Variants in AGXT2 observed in about 807,000 individuals in gnomAD.
AGXT2 encodes the protein alanine--glyoxylate aminotransferase 2, mitochondrial.
Under a neutral mutation model 62.5 loss-of-function variants are expected in AGXT2, and 61 were observed. The ratio of observed to expected loss-of-function variants is 0.98; its 90% CI spans 0.79 to 1.21. The LOEUF is 1.21. Ranked by LOEUF, AGXT2 falls within the 50% of genes most tolerant of loss-of-function variation. The pLI is 0.00. For synonymous variants in AGXT2, 243 were observed against 218.7 expected (o/e 1.11, Z -0.98); for missense variants, 666 against 641.5 (o/e 1.04, Z -0.41).
At chr5:35,015,213 G>A (rs914667099) in intron 9 of AGXT2, among the ~76,000 whole-genome samples, 1 of 152,146 alleles carries the variant, frequency 6.6e-6, no homozygotes, top group Non-Finnish European at 1.5e-5. Flanking sequence ...CTTTCATAGA[G>A]GACTGTTATC....
At chr5:35,028,125 C>A (rs950039190) in intron 7 of AGXT2, among the ~76,000 whole-genome samples, 8 of 151,990 alleles carry the variant, frequency 5.3e-5, no homozygotes, top group Non-Finnish European at 8.8e-5. Context: ...TCAAGGTTAC[C>A]AGGTTCAAGA....
chr5:35,033,342 C>A (rs916052809), intron 6 of AGXT2, 118 bp downstream of exon 6: 6 of 810,974 alleles, frequency 7.4e-6, no homozygotes, highest in Middle Eastern at 2.2e-4. Flanking sequence ...TCAAATTGAG[C>A]CCCTGATTAA....
chr5:35,003,748 C>T lies in AGXT2; in HGVS notation c.1437+15G>A. On this transcript the variant is annotated intron_variant, in intron 13 of 13. Transcript: ENST00000231420. ...CCTACCTAGAGCGATAGGTAAAAAC[C>T]AGTCTTTCTCTTACCTGAGAAAAAA... 1.2e-6 allele frequency: 2 copies of T among 1,608,792 alleles called. No individual in the cohort carries two copies. Among genetic ancestry groups the T allele is most frequent in the South Asian group, 1.1e-5 (1 of 90,946 alleles).
At chr5:35,000,008 A>G (rs1243677106) in intron 13 of AGXT2, among the ~76,000 whole-genome samples, 2 of 152,188 alleles carry the variant, frequency 1.3e-5, no homozygotes, top group Non-Finnish European at 2.9e-5. Context: ...CTTGTCCCCT[A>G]TGGCTACCTC....
At chr5:35,029,418 C>T (rs1767479692) in intron 7 of AGXT2, among the ~76,000 whole-genome samples, 1 of 152,224 alleles carries the variant, frequency 6.6e-6, no homozygotes, top group Non-Finnish European at 1.5e-5. Flanking sequence ...ACTTTTTTCC[C>T]TCTCTGCCCA....
chr5:35,000,860 A>G (rs1001645287), intron 13 of AGXT2, among the ~76,000 whole-genome samples: 34 of 152,224 alleles, frequency 2.2e-4, no homozygotes, highest in African/African-American at 8.2e-4. Flanking sequence ...ATGGTCCCTG[A>G]CAGAATATTT....
intron 13 of AGXT2, among the ~76,000 whole-genome samples, chr5:35,003,320 C>T (rs1016468969): frequency 6.6e-6 from 1 of 152,168 alleles, no homozygotes; most frequent in Non-Finnish European, 1.5e-5. Flanking sequence ...GCCACAGAGG[C>T]CACTAAGGCT....
At chr5:35,037,114 C>G in intron 3 of AGXT2, 49 bp from the exon 4 acceptor site, 1 of 1,612,104 alleles carries the variant, frequency 6.2e-7, no homozygotes, top group Non-Finnish European at 8.5e-7. Flanking sequence ...CCACGTCCCT[C>G]CTGCACACAC....
chr5:35,046,442 G>T (rs550042395), intron 1 of AGXT2, among the ~76,000 whole-genome samples: 1 of 152,202 alleles, frequency 6.6e-6, no homozygotes, highest in Non-Finnish European at 1.5e-5. Context: ...GGGGAGGATA[G>T]ACAGGGCCTG....
intron 1 of AGXT2, among the ~76,000 whole-genome samples, chr5:35,043,373 A>C (rs1273728081): frequency 6.6e-6 from 1 of 152,174 alleles, no homozygotes; most frequent in Non-Finnish European, 1.5e-5. Context: ...TAAAATGCTA[A>C]TTATTATTAT....
At chr5:35,039,685 C>T (rs1767909531) in intron 2 of AGXT2, among the ~76,000 whole-genome samples, 177 bp from the exon 3 acceptor site, 1 of 152,172 alleles carries the variant, frequency 6.6e-6, no homozygotes, top group Non-Finnish European at 1.5e-5. Context: ...AGCCTTTTCT[C>T]TTAAGGAGGT....
chr5:35,000,385 T>C (rs1445082299), intron 13 of AGXT2, among the ~76,000 whole-genome samples: 1 of 152,180 alleles, frequency 6.6e-6, no homozygotes, highest in Non-Finnish European at 1.5e-5. Flanking sequence ...ACTGTTATTA[T>C]TTTTATTTTA....
intron 4 of AGXT2, among the ~76,000 whole-genome samples, chr5:35,036,203 ACT>A (rs1230413153): frequency 1.3e-5 from 2 of 152,110 alleles, no homozygotes; most frequent in African/African-American, 2.4e-5. Context: ...GACTCTGCTG[ACT>A]CTCTGCTTCT....
intron 12 of AGXT2, among the ~76,000 whole-genome samples, chr5:35,009,404 T>A (rs569413297): frequency 8.7e-4 from 133 of 152,286 alleles, no homozygotes; most frequent in Admixed American, 2.5e-3. Context: ...GAGACCAGCC[T>A]GGGCAATATG....
At chr5:35,012,698 C>T in intron 11 of AGXT2, 1 of 472,286 alleles carries the variant, frequency 2.1e-6, no homozygotes. Flanking sequence ...TTTCAGCTGG[C>T]TAGGAAAATT....
intron 10 of AGXT2, 132 bp downstream of exon 10, chr5:35,013,855 T>C (rs1766741487): frequency 2.2e-6 from 3 of 1,381,358 alleles, no homozygotes; most frequent in Non-Finnish European, 3.1e-6. Context: ...GTTTCTCTCT[T>C]TCATTTGCTT....
chr5:35,003,311 C>G (rs115950733), intron 13 of AGXT2, among the ~76,000 whole-genome samples: 3,655 of 152,308 alleles, frequency 0.024, 146 homozygotes, highest in African/African-American at 0.085. Context: ...TTGCTCCCAG[C>G]CACAGAGGCC....
chr5:35,029,787 A>T (rs1436841500), intron 7 of AGXT2, among the ~76,000 whole-genome samples: 1 of 152,210 alleles, frequency 6.6e-6, no homozygotes, highest in Admixed American at 6.5e-5. Flanking sequence ...CTCGTCATGG[A>T]TTACACTTGA....
chr5:35,033,382 T>C (rs1172686853), intron 6 of AGXT2, 78 bp downstream of exon 6: 13 of 1,158,830 alleles, frequency 1.1e-5, no homozygotes, highest in Admixed American at 1.7e-5. Flanking sequence ...TTCTAATCCT[T>C]ATACCAGGAA....
Sources: gnomAD v4.1 joint callset for allele counts (sites outside exome capture counted in the v4.1 genomes callset) on GRCh38, gnomAD v4.1.1 for gene constraint, MANE v1.5 for transcripts, NCBI Gene and HGNC (gene_info 2026-07-23, HGNC 2026-07-21) for gene names.